The following USP49 variants were observed in gnomAD, a reference collection of about 807,000 sequenced individuals.
USP49 encodes the protein ubiquitin specific peptidase 49.
A neutral mutation model predicts 58.6 loss-of-function variants in USP49; 24 were observed. The ratio of observed to expected loss-of-function variants is 0.41; its 90% CI spans 0.30 to 0.58. The LOEUF (loss-of-function observed/expected upper bound fraction) is 0.58. Among genes scored for constraint, USP49 ranks in the 20% least tolerant of loss-of-function variants. The pLI is 0.30. For missense variants in USP49, 703 were observed against 866.1 expected, an observed-to-expected ratio of 0.81 and a Z score of 2.36; for synonymous variants, 408 against 365.1, an observed-to-expected ratio of 1.12 and a Z score of -1.34.
chr6:41,873,385 T>C (rs1389813201), intron 2 of USP49, among the ~76,000 whole-genome samples: 1 of 152,136 alleles, frequency 6.6e-6, no homozygotes, highest in Non-Finnish European at 1.5e-5. Context: ...ATGGTGCAAA[T>C]CAGTGGCACG....
chr6:41,853,352 T>C (rs150462313), intron 3 of USP49, among the ~76,000 whole-genome samples: 321 of 152,294 alleles, frequency 2.1e-3, no homozygotes, highest in Non-Finnish European at 3.7e-3. Flanking sequence ...CAAAGTAGAA[T>C]GGTGGTTGCC....
At chr6:41,802,407 T>TTTATTTTTTATTTTATTTTA (rs1313279388) in intron 5 of USP49, among the ~76,000 whole-genome samples, 10 of 76,088 alleles carry the variant, frequency 1.3e-4, no homozygotes, top group Non-Finnish European at 2.8e-4. Context: ...TTTATTTTAT[T>TTTATTTTTTATTTTATTTTA]TTTTATTTTA....
At chr6:41,817,647 G>C (rs189658735) in intron 3 of USP49, among the ~76,000 whole-genome samples, 1 of 151,142 alleles carries the variant, frequency 6.6e-6, no homozygotes, top group Non-Finnish European at 1.5e-5. Flanking sequence ...ATGGAATCTC[G>C]CTGTGTCATC....
rs762070875 is a variant in USP49, at chr6:41,806,842, G to C, written c.142C>G (p.Arg48Gly). 3.1e-6 allele frequency: 5 copies of C among 1,613,860 alleles called. No individual in the cohort carries two copies. Among genetic ancestry groups the C allele is most frequent in the Non-Finnish European group, 4.2e-6 (5 of 1,180,010 alleles). Reference sequence around the variant, plus strand: ...TTCAGGGCGTGGTCCTCAATATAGCGGCCGCAGGCCACGTGGGAGCACTTG... The same window carrying C: ...TTCAGGGCGTGGTCCTCAATATAGCCGCCGCAGGCCACGTGGGAGCACTTG... ...CLKCSHVACG[R>G]YIEDHALKHF... Residue 48 changes from arginine to glycine, a missense_variant, in exon 4 of 8, where the codon CGC becomes GGC. Arg to Gly is a moderately radical substitution (Grantham distance 125). Around this residue, in one of 6 missense-constraint regions of USP49, gnomAD observed 376 missense variants for 373.5 expected, o/e 1.01. Coordinates refer to ENST00000682992, the MANE Select transcript of USP49 (RefSeq NM_001286554.2). This position sits in a 1 kb window ranked among gnomAD's most constrained non-coding sequence, Gnocchi z 5.9.
intron 3 of USP49, among the ~76,000 whole-genome samples, chr6:41,852,361 CA>C (rs1320739234): frequency 6.6e-6 from 1 of 151,896 alleles, no homozygotes; most frequent in Non-Finnish European, 1.5e-5. Context: ...AACGAGTTTG[CA>C]AAAAAATTGT....
chr6:41,849,431 CATT>C (rs1773981608), intron 3 of USP49, among the ~76,000 whole-genome samples: 1 of 152,064 alleles, frequency 6.6e-6, no homozygotes. Context: ...ACCTGAACAA[CATT>C]ATACACCAAA....
intron 2 of USP49, among the ~76,000 whole-genome samples, chr6:41,885,544 C>A (rs1774694672): frequency 6.6e-6 from 1 of 152,064 alleles, no homozygotes; most frequent in South Asian, 2.1e-4. Context: ...ACCTTGAACT[C>A]CTGGGCTCAA....
chr6:41,884,389 T>C (rs1774671796), intron 2 of USP49, among the ~76,000 whole-genome samples: 1 of 152,240 alleles, frequency 6.6e-6, no homozygotes, highest in South Asian at 2.1e-4. Context: ...ATCTACAGCA[T>C]TTCTACAAGG....
At chr6:41,890,740 G>A (rs1321602621) in intron 2 of USP49, among the ~76,000 whole-genome samples, 2 of 152,134 alleles carry the variant, frequency 1.3e-5, no homozygotes, top group Admixed American at 6.5e-5. Flanking sequence ...CACACATAAA[G>A]AGAAAATACT....
At chr6:41,883,169 T>C (rs1038347796) in intron 2 of USP49, among the ~76,000 whole-genome samples, 10 of 151,854 alleles carry the variant, frequency 6.6e-5, no homozygotes, top group African/African-American at 2.4e-4. Flanking sequence ...CTAGCCAACA[T>C]GGCAAAATCC....
intron 3 of USP49, among the ~76,000 whole-genome samples, chr6:41,851,095 A>G (rs1157217209): frequency 1.3e-5 from 2 of 152,188 alleles, no homozygotes; most frequent in Admixed American, 6.6e-5. Flanking sequence ...GTTTTCTCAA[A>G]CTCTTCCAAA....
chr6:41,848,452 G>A (rs1773962139), intron 3 of USP49, among the ~76,000 whole-genome samples: 1 of 150,426 alleles, frequency 6.6e-6, no homozygotes, highest in Admixed American at 6.6e-5. Context: ...GTGCAGCCTC[G>A]ACCTCCTGGG....
At chr6:41,882,934 CA>C (rs1582038788) in intron 2 of USP49, among the ~76,000 whole-genome samples, 3 of 151,010 alleles carry the variant, frequency 2.0e-5, no homozygotes, top group African/African-American at 7.3e-5. Context: ...AAACAAAAAA[CA>C]AAAAACACCT....
chr6:41,821,305 C>T (rs1391347239), intron 3 of USP49, among the ~76,000 whole-genome samples: 1 of 152,190 alleles, frequency 6.6e-6, no homozygotes, highest in Non-Finnish European at 1.5e-5. Context: ...AACCCCACCA[C>T]CCTACCAAAT....
intron 3 of USP49, among the ~76,000 whole-genome samples, chr6:41,830,865 G>A (rs1357974983): frequency 6.6e-6 from 1 of 151,990 alleles, no homozygotes; most frequent in African/African-American, 2.4e-5. Flanking sequence ...CGAAGCACCA[G>A]TGCTGACTGG....
chr6:41,890,907 G>C (rs1235490473), intron 2 of USP49, among the ~76,000 whole-genome samples: 1 of 152,138 alleles, frequency 6.6e-6, no homozygotes, highest in African/African-American at 2.4e-5. Flanking sequence ...TAGCTAAAAA[G>C]GTGGATGGGG....
intron 3 of USP49, among the ~76,000 whole-genome samples, chr6:41,848,248 G>GAAAT: frequency 6.6e-6 from 1 of 151,578 alleles, no homozygotes; most frequent in Non-Finnish European, 1.5e-5. Flanking sequence ...AACATACATC[G>GAAAT]CTACAAAAAA....
At chr6:41,828,192 C>A (rs1252250149) in intron 3 of USP49, among the ~76,000 whole-genome samples, 2 of 152,080 alleles carry the variant, frequency 1.3e-5, no homozygotes, top group Admixed American at 6.6e-5. Context: ...CACCTGTAAT[C>A]CCAGCACTTT....
At chr6:41,799,326 C>T (rs1198785737) in intron 6 of USP49, among the ~76,000 whole-genome samples, 1 of 152,064 alleles carries the variant, frequency 6.6e-6, no homozygotes. Flanking sequence ...AGGCTGGTCT[C>T]AAACTCCTGA....
Sources: gnomAD v4.1 joint callset for allele counts (sites outside exome capture counted in the v4.1 genomes callset) on GRCh38, gnomAD v4.1.1 for gene constraint, gnomAD v4.1.1 regional missense constraint, Gnocchi (gnomAD v3.1) non-coding constraint, MANE v1.5 for transcripts, NCBI Gene and HGNC (gene_info 2026-07-23, HGNC 2026-07-21) for gene names.